Variants in PPP2R3A observed in about 807,000 individuals in gnomAD.
PPP2R3A encodes serine/threonine-protein phosphatase 2A regulatory subunit B'' subunit alpha.
PPP2R3A carries 80 observed loss-of-function variants against 106.9 expected under a neutral mutation model. The observed-to-expected ratio is 0.75, with a 90% confidence interval of 0.62 to 0.90. The LOEUF is 0.90. Among genes scored for constraint, PPP2R3A ranks in the 40% least tolerant of loss-of-function variants. The pLI, the probability that PPP2R3A is intolerant of heterozygous loss-of-function variation, is 0.00. For synonymous variants in PPP2R3A, 483 were observed against 468.3 expected, an observed-to-expected ratio of 1.03 and a Z score of -0.41; for missense variants, 1,386 against 1,350.4, an observed-to-expected ratio of 1.03 and a Z score of -0.41.
chr3:135,988,569 C>T (rs1014425052), intron 1 of PPP2R3A, among the ~76,000 whole-genome samples: 8 of 152,260 alleles, frequency 5.3e-5, no homozygotes, highest in Non-Finnish European at 1.0e-4. Context: ...AGCTTTCCAT[C>T]TCACTTAGGT....
intron 1 of PPP2R3A, among the ~76,000 whole-genome samples, chr3:135,995,214 T>C (rs1933337458): frequency 2.0e-5 from 3 of 152,246 alleles, no homozygotes; most frequent in South Asian, 4.1e-4. Context: ...TGCATAAATA[T>C]ACACATTCAG....
chr3:136,036,175 C>G (rs1268218924), intron 3 of PPP2R3A, among the ~76,000 whole-genome samples: 3 of 152,164 alleles, frequency 2.0e-5, no homozygotes, highest in African/African-American at 7.2e-5. Context: ...TCTGGTGCCT[C>G]CCTGATTAGC....
Position 136,003,058 on chromosome 3 carries a change from A to G in PPP2R3A, c.1560A>G (p.Ser520=), listed in dbSNP as rs1427331328. The G allele has an allele frequency of 1.9e-6, 3 of 1,612,086 alleles. No homozygotes were observed. Among genetic ancestry groups the G allele is most frequent in the African/African-American group, 2.7e-5 (2 of 74,736 alleles). The change falls in exon 2 of 14, where the codon TCA becomes TCG. Residue 520 remains serine, a synonymous_variant. Coordinates refer to ENST00000264977, the MANE Select transcript of PPP2R3A (RefSeq NM_002718.5). ...TGTTAATGGATTTGGAATCTTTTTCACAGAAGATGGAGACCTCTCTAAGAG... is the reference window on the plus strand; with the variant it reads ...TGTTAATGGATTTGGAATCTTTTTCGCAGAAGATGGAGACCTCTCTAAGAG... ...DKLLMDLESF[S]QKMETSLREP...
rs1326805459 is a variant in PPP2R3A, at chr3:136,128,753, A to T, written c.3330-16290A>T. On this transcript the variant is annotated intron_variant, in intron 13 of 13. Coordinates refer to ENST00000264977, the MANE Select transcript of PPP2R3A (RefSeq NM_002718.5). ...CCACATCACACTTATTCCAAAATTGACCACATAGTTGGAAGTAAAGCACTC... is the reference window on the plus strand; with the variant it reads ...CCACATCACACTTATTCCAAAATTGTCCACATAGTTGGAAGTAAAGCACTC... Among the ~76,000 whole-genome samples, 6 of 152,312 alleles carry T rather than the reference A, an allele frequency of 3.9e-5. No homozygotes were observed. In the East Asian group the frequency reaches 1.2e-3, roughly 29 times the overall value.
At chr3:136,049,787 C>T (rs1412951239) in intron 5 of PPP2R3A, among the ~76,000 whole-genome samples, 3 of 152,194 alleles carry the variant, frequency 2.0e-5, no homozygotes, top group South Asian at 2.1e-4. Context: ...ATCACTCTCA[C>T]GAACTCTGGG....
In PPP2R3A at chr3:136,078,407, G is replaced by A. The variant is rs532683646; in HGVS notation, c.2585G>A (p.Ser862Asn). Residue 862 changes from serine to asparagine, a missense_variant, in exon 7 of 14, where the codon AGT (serine) becomes AAT (asparagine). Transcript: ENST00000264977. ...TTCTACACAGTCAACAGATCTTGGAGTGGAAAAATTACTTCGACAGAGATA... is the reference window on the plus strand; with the variant it reads ...TTCTACACAGTCAACAGATCTTGGAATGGAAAAATTACTTCGACAGAGATA... ...RIFYTVNRSW[S>N]GKITSTEIRK... 13 of 1,611,400 alleles carry A rather than the reference G, an allele frequency of 8.1e-6. No individual in the cohort carries two copies. Among genetic ancestry groups the A allele is most frequent in the African/African-American group, 1.3e-5 (1 of 74,950 alleles).
At chr3:136,060,676 A>G (rs564393979) in intron 5 of PPP2R3A, among the ~76,000 whole-genome samples, 1 of 152,276 alleles carries the variant, frequency 6.6e-6, no homozygotes, top group Non-Finnish European at 1.5e-5. Flanking sequence ...CTGTGGGTCA[A>G]TTAAACCTGT....
intron 2 of PPP2R3A, among the ~76,000 whole-genome samples, chr3:136,013,646 C>T (rs772432565): frequency 2.4e-4 from 36 of 151,922 alleles, no homozygotes; most frequent in Non-Finnish European, 5.2e-4. Flanking sequence ...GCCATTTGTA[C>T]GTCTTCTTTT....
intron 13 of PPP2R3A, among the ~76,000 whole-genome samples, chr3:136,141,501 A>G (rs1938872242): frequency 6.6e-6 from 1 of 152,242 alleles, no homozygotes; most frequent in Non-Finnish European, 1.5e-5. Flanking sequence ...TCTGAAGATT[A>G]TTCTGCCAGA....
chr3:136,012,206 G>A (rs1360205584), intron 2 of PPP2R3A, among the ~76,000 whole-genome samples: 1 of 151,880 alleles, frequency 6.6e-6, no homozygotes, highest in Non-Finnish European at 1.5e-5. Flanking sequence ...AGGAGAGAGG[G>A]AAGAAAAAAA....
chr3:136,002,447 T>C lies in PPP2R3A; in HGVS notation c.949T>C (p.Leu317=), dbSNP rs1933666630. 1 of 1,613,806 alleles carries C rather than the reference T, an allele frequency of 6.2e-7. No individual in the cohort carries two copies. Among genetic ancestry groups the C allele is most frequent in the Non-Finnish European group, 8.5e-7 (1 of 1,179,820 alleles). The change falls in exon 2 of 14, where the codon TTA becomes CTA. Residue 317 remains leucine (L), a synonymous_variant. Transcript: ENST00000264977. ...LTELISNMPS[L]QLTPFSPVFG... The stretch of plus-strand genomic sequence containing the variant: ...AGAACTGATCAGTAATATGCCTAGC[T>C]TACAACTGACTCCCTTCTCCCCAGT...
chr3:136,054,253 CTTTTTTTTTT>C (rs35801926), intron 5 of PPP2R3A, among the ~76,000 whole-genome samples: 3 of 80,728 alleles, frequency 3.7e-5, no homozygotes, highest in Non-Finnish European at 6.6e-5. Flanking sequence ...CTTCACAATT[CTTTTTTTTTT>C]TTTTTTTTTT....
intron 11 of PPP2R3A, 53 bp downstream of exon 11, chr3:136,102,235 G>A (rs763783710): frequency 1.4e-5 from 22 of 1,573,764 alleles, no homozygotes; most frequent in Non-Finnish European, 1.7e-5. Flanking sequence ...TCAGAGGAGG[G>A]CAAAGAATCC....
At chr3:136,132,016 G>T (rs1256074908) in intron 13 of PPP2R3A, among the ~76,000 whole-genome samples, 1 of 150,936 alleles carries the variant, frequency 6.6e-6, no homozygotes, top group Admixed American at 6.6e-5. Context: ...CTGTCAGGGG[G>T]TGGGGGGGGC....
Position 136,117,533 on chromosome 3 carries a change from A to T in PPP2R3A, c.3329+11211A>T, listed in dbSNP as rs565341432. Among the ~76,000 whole-genome samples, 3 of 152,340 alleles carry T rather than the reference A, an allele frequency of 2.0e-5. No individual in the cohort carries two copies. The East Asian group carries it at 5.8e-4, about 29-fold the overall frequency. Reference sequence around the variant, plus strand: ...AAGAGTCAAATAGATGCAATAAAAAATGATAAAGGGGATATCACCACCGAT... The same window carrying T: ...AAGAGTCAAATAGATGCAATAAAAATTGATAAAGGGGATATCACCACCGAT... On this transcript the variant is annotated intron_variant, in intron 13 of 13. Coordinates refer to ENST00000264977, the MANE Select transcript of PPP2R3A (RefSeq NM_002718.5).
At chr3:136,019,420 C>T (rs1043191494) in intron 2 of PPP2R3A, among the ~76,000 whole-genome samples, 1 of 152,118 alleles carries the variant, frequency 6.6e-6, no homozygotes, top group Non-Finnish European at 1.5e-5. Context: ...CACCCCAAAA[C>T]AGCTTTTCTC....
chr3:136,072,822 G>C (rs963336671), intron 6 of PPP2R3A, among the ~76,000 whole-genome samples: 1 of 152,118 alleles, frequency 6.6e-6, no homozygotes, highest in Non-Finnish European at 1.5e-5. Flanking sequence ...ATGGAAATAA[G>C]TTTTCTTTAT....
chr3:136,080,800 A>G (rs1347080671), intron 7 of PPP2R3A, among the ~76,000 whole-genome samples: 1 of 152,160 alleles, frequency 6.6e-6, no homozygotes, highest in Non-Finnish European at 1.5e-5. Flanking sequence ...TCTTCAGTGT[A>G]AACTTTATAA....
chr3:136,103,254 G>T lies in PPP2R3A; in HGVS notation c.3104-4G>T. ...ATTTACCAGATTTGTTTATTTTTAT[G>T]TAGGCAAAATAACTCTAAGAGATCT... is the stretch of plus-strand genomic sequence containing the variant. On this transcript the variant is annotated splice_region_variant and splice_polypyrimidine_tract_variant and intron_variant, in intron 11 of 13. Coordinates refer to ENST00000264977, the MANE Select transcript of PPP2R3A (RefSeq NM_002718.5). 1 of 1,561,332 alleles carries T rather than the reference G, an allele frequency of 6.4e-7. No individual in the cohort carries two copies. The highest frequency in any genetic ancestry group is 8.7e-7 in the Non-Finnish European group (1 of 1,146,702).
Sources: gnomAD v4.1 joint callset for allele counts (sites outside exome capture counted in the v4.1 genomes callset) on GRCh38, gnomAD v4.1.1 for gene constraint, MANE v1.5 for transcripts, NCBI Gene and HGNC (gene_info 2026-07-23, HGNC 2026-07-21) for gene names.